The following CNTNAP2 variants were observed in gnomAD, a reference collection of about 807,000 sequenced individuals.
CNTNAP2 encodes contactin-associated protein-like 2.
In CNTNAP2, 98 loss-of-function variants were observed where a neutral mutation model predicts 155.2. That is an observed-to-expected ratio of 0.63 (90% confidence interval 0.54 to 0.75). The LOEUF (loss-of-function observed/expected upper bound fraction) is 0.75, where lower values mean the gene tolerates loss of function less well. Ranked by LOEUF, CNTNAP2 falls within the 30% of genes least tolerant of loss-of-function variation. The probability of loss-of-function intolerance (pLI) is 0.00; values close to 1 mark genes in which losing one functional copy is unlikely to be tolerated. For synonymous variants in CNTNAP2, 651 were observed against 631.2 expected, an observed-to-expected ratio of 1.03 and a Z score of -0.47; for missense variants, 1,727 against 1,688.1, an observed-to-expected ratio of 1.02 and a Z score of -0.40.
chr7:147,841,582 A>G (rs1158912598), intron 13 of CNTNAP2, among the ~76,000 whole-genome samples: 1 of 152,202 alleles, frequency 6.6e-6, no homozygotes, highest in African/African-American at 2.4e-5. Flanking sequence ...TATTTCACAA[A>G]GTTATTCACA....
chr7:147,625,621 G>A (rs1414230971), intron 12 of CNTNAP2, among the ~76,000 whole-genome samples: 1 of 152,160 alleles, frequency 6.6e-6, no homozygotes, highest in African/African-American at 2.4e-5. Context: ...CACTGGACTT[G>A]GTGGGCAAGA....
chr7:147,356,846 G>T (rs141281995), intron 9 of CNTNAP2, among the ~76,000 whole-genome samples: 2,422 of 152,168 alleles, frequency 0.016, 28 homozygotes, highest in Middle Eastern at 0.031. Context: ...CAAAGTTTGT[G>T]AAACTCTCTT....
chr7:147,930,835 C>G (rs1359816770), intron 14 of CNTNAP2, among the ~76,000 whole-genome samples: 1 of 152,072 alleles, frequency 6.6e-6, no homozygotes, highest in Non-Finnish European at 1.5e-5. Context: ...TAAAATCATA[C>G]CAGGTATCTT....
At chr7:147,073,700 G>T (rs1271588727) in intron 4 of CNTNAP2, among the ~76,000 whole-genome samples, 2 of 152,176 alleles carry the variant, frequency 1.3e-5, no homozygotes, top group Non-Finnish European at 2.9e-5. Context: ...TGACAAGAAA[G>T]CATGCCAGGA....
intron 1 of CNTNAP2, among the ~76,000 whole-genome samples, chr7:146,749,228 T>C (rs529209680): frequency 6.6e-6 from 1 of 152,192 alleles, no homozygotes; most frequent in Non-Finnish European, 1.5e-5. Context: ...TATGTATATG[T>C]ATATATTTGT....
intron 8 of CNTNAP2, among the ~76,000 whole-genome samples, chr7:147,171,947 C>G (rs901030629): frequency 6.6e-6 from 1 of 152,022 alleles, no homozygotes; most frequent in African/African-American, 2.4e-5. Context: ...AAATGCCATT[C>G]ATTTAAAACA....
At chr7:146,490,800 G>T (rs1269043972) in intron 1 of CNTNAP2, among the ~76,000 whole-genome samples, 1 of 152,070 alleles carries the variant, frequency 6.6e-6, no homozygotes, top group Admixed American at 6.6e-5. Context: ...CTAGACCTCA[G>T]TATCCACTTT....
chr7:146,353,278 A>G (rs1452845353), intron 1 of CNTNAP2, among the ~76,000 whole-genome samples: 3 of 152,198 alleles, frequency 2.0e-5, no homozygotes, highest in African/African-American at 2.4e-5. Flanking sequence ...CAACAGTAGT[A>G]CTTGACATGG....
rs575955550 is a variant in CNTNAP2, at chr7:148,090,158, C to A, written c.2384-27960C>A. 3.3e-5 allele frequency among the ~76,000 whole-genome samples: 5 copies of A among 151,964 alleles called. No individual in the cohort carries two copies. In the South Asian group the frequency reaches 1.0e-3, roughly 32 times the overall value. On this transcript the variant is annotated intron_variant, in intron 15 of 23. Transcript: ENST00000361727. The stretch of plus-strand genomic sequence containing the variant: ...ACCTGAAACTGTAAAGCTACTAGAA[C>A]AAAACATAGGGAAAATGCTCTATGA...
chr7:147,140,501 G>T (rs949650059), intron 8 of CNTNAP2, among the ~76,000 whole-genome samples: 1 of 151,920 alleles, frequency 6.6e-6, no homozygotes, highest in African/African-American at 2.4e-5. Context: ...TTACCCTTTT[G>T]GGCATGAATT....
At chr7:147,838,357 C>G (rs533012851) in intron 13 of CNTNAP2, among the ~76,000 whole-genome samples, 9 of 152,288 alleles carry the variant, frequency 5.9e-5, no homozygotes, top group African/African-American at 1.9e-4. Context: ...CATTACTTAT[C>G]CAAATCTCTG....
At chr7:147,791,451 C>CTTTTT (rs1240752761) in intron 13 of CNTNAP2, among the ~76,000 whole-genome samples, 2 of 132,624 alleles carry the variant, frequency 1.5e-5, no homozygotes, top group African/African-American at 5.8e-5. Context: ...GTCTCTCTCT[C>CTTTTT]TCTTTTTTTT....
chr7:147,986,973 G>A (rs1160550763), intron 15 of CNTNAP2, among the ~76,000 whole-genome samples: 1 of 151,436 alleles, frequency 6.6e-6, no homozygotes, highest in African/African-American at 2.4e-5. Context: ...AAAACGCCCT[G>A]GAGTGATGTG....
At chr7:147,149,735 A>T (rs370790730) in intron 8 of CNTNAP2, among the ~76,000 whole-genome samples, 1 of 152,204 alleles carries the variant, frequency 6.6e-6, no homozygotes, top group South Asian at 2.1e-4. Context: ...ATAGATACAT[A>T]GATAGAACAG....
At chr7:146,936,632 T>C (rs144530498) in intron 3 of CNTNAP2, among the ~76,000 whole-genome samples, 2 of 152,082 alleles carry the variant, frequency 1.3e-5, no homozygotes, top group East Asian at 1.9e-4. Context: ...CCTAACTTAA[T>C]AGGTAGACAA....
chr7:146,577,025 C>T (rs1022791694), intron 1 of CNTNAP2, among the ~76,000 whole-genome samples: 3 of 152,060 alleles, frequency 2.0e-5, no homozygotes, highest in Non-Finnish European at 4.4e-5. Context: ...AATCTTATCA[C>T]CTGCCATCAT....
chr7:147,099,369 G>A (rs1004787284), intron 4 of CNTNAP2, among the ~76,000 whole-genome samples: 2 of 152,124 alleles, frequency 1.3e-5, no homozygotes, highest in Admixed American at 6.5e-5. Flanking sequence ...GGCCCCAGAT[G>A]TCAAAGCATT....
chr7:148,203,545 G>C (rs1325984414), intron 18 of CNTNAP2, among the ~76,000 whole-genome samples: 1 of 152,152 alleles, frequency 6.6e-6, no homozygotes, highest in Non-Finnish European at 1.5e-5. Flanking sequence ...AGGAGTTCCA[G>C]ACCAGCCTGG....
chr7:148,295,072 A>T (rs1797257044), intron 21 of CNTNAP2, among the ~76,000 whole-genome samples: 1 of 152,136 alleles, frequency 6.6e-6, no homozygotes, highest in Non-Finnish European at 1.5e-5. Context: ...CCAGCACTTA[A>T]AAATTTTACA....
Sources: gnomAD v4.1 joint callset for allele counts (sites outside exome capture counted in the v4.1 genomes callset) on GRCh38, gnomAD v4.1.1 for gene constraint, MANE v1.5 for transcripts, NCBI Gene and HGNC (gene_info 2026-07-23, HGNC 2026-07-21) for gene names.